Variants in ADGRG6 observed in about 807,000 individuals in gnomAD.
ADGRG6 encodes the protein adhesion G protein-coupled receptor G6.
A neutral mutation model predicts 142.4 loss-of-function variants in ADGRG6; 84 were observed. That is an observed-to-expected ratio of 0.59 (90% CI 0.49 to 0.71). ADGRG6 has a LOEUF of 0.71. Among genes scored for constraint, ADGRG6 ranks in the 30% least tolerant of loss-of-function variants. The probability of loss-of-function intolerance (pLI) is 0.00; values close to 1 mark genes in which losing one functional copy is unlikely to be tolerated. For synonymous variants in ADGRG6, 521 were observed against 520.5 expected, an observed-to-expected ratio of 1.00 and a Z score of -0.01; for missense variants, 1,367 against 1,466.6, an observed-to-expected ratio of 0.93 and a Z score of 1.11.
At chr6:142,357,394 T>C (rs1240312434) in intron 2 of ADGRG6, among the ~76,000 whole-genome samples, 1 of 152,144 alleles carries the variant, frequency 6.6e-6, no homozygotes, top group Non-Finnish European at 1.5e-5. Context: ...AAGCTGTTCA[T>C]GTAAAAATGG....
rs147916355 is a variant in ADGRG6, at chr6:142,339,879, C to G, written c.104-27690C>G. ...TTTTCTTTTATTCTACTGTTTTGCT[C>G]TTTAACATAATAGGATAAGTATTTT... On this transcript the variant is annotated intron_variant, in intron 2 of 24. Transcript: ENST00000367609. Among the ~76,000 whole-genome samples, 732 of 152,088 alleles carry G rather than the reference C, an allele frequency of 4.8e-3. 9 individuals are homozygous for G. Among genetic ancestry groups the G allele is most frequent in the African/African-American group, 0.017 (694 of 41,460 alleles).
At chr6:142,341,114 A>G (rs997098948) in intron 2 of ADGRG6, among the ~76,000 whole-genome samples, 6 of 151,604 alleles carry the variant, frequency 4.0e-5, no homozygotes, top group African/African-American at 9.7e-5. Context: ...GGAAAATTAC[A>G]TAGCCTAGAG....
chr6:142,346,243 C>T (rs9403382), intron 2 of ADGRG6, among the ~76,000 whole-genome samples: 61,505 of 151,920 alleles, frequency 0.4, 14,565 homozygotes, highest in African/African-American at 0.67. Flanking sequence ...CCATAATGGT[C>T]GAACTAATTT....
At chr6:142,318,061 A>G (rs1369884485) in intron 2 of ADGRG6, among the ~76,000 whole-genome samples, 1 of 54,004 alleles carries the variant, frequency 1.9e-5, no homozygotes, top group African/African-American at 8.6e-5. Flanking sequence ...ATATATTTAT[A>G]TTATATATAT....
intron 15 of ADGRG6, among the ~76,000 whole-genome samples, chr6:142,406,539 G>A (rs1775816994): frequency 6.6e-6 from 1 of 152,126 alleles, no homozygotes; most frequent in South Asian, 2.1e-4. Flanking sequence ...AAGTCTCAAG[G>A]TCAGAGAATT....
rs142405282 is a variant in ADGRG6 at position 142,334,691 on chromosome 6, C to T, written c.103+25047C>T. Reference sequence around the variant, plus strand: ...TCTAGCATGAGGTCAGAGTTTGAATCGGGTGAACCTGAAGGTCCCTTACCA... The same window carrying T: ...TCTAGCATGAGGTCAGAGTTTGAATTGGGTGAACCTGAAGGTCCCTTACCA... On this transcript the variant is annotated intron_variant, in intron 2 of 24. Coordinates refer to ENST00000367609, the MANE Select transcript of ADGRG6 (RefSeq NM_198569.3). 3.4e-3 allele frequency among the ~76,000 whole-genome samples: 520 copies of T among 152,246 alleles called. 6 individuals carry two copies. The highest frequency in any genetic ancestry group is 0.012 in the African/African-American group (505 of 41,538).
chr6:142,349,390 TG>T (rs1780054429), intron 2 of ADGRG6, among the ~76,000 whole-genome samples: 1 of 152,214 alleles, frequency 6.6e-6, no homozygotes, highest in Non-Finnish European at 1.5e-5. Flanking sequence ...CAGGCCCCCA[TG>T]TAGCTGGAAT....
At chr6:142,438,385 AAGTTT>A in intron 24 of ADGRG6, 21 bp downstream of exon 24, 2 of 1,549,100 alleles carry the variant, frequency 1.3e-6, no homozygotes, top group Admixed American at 3.9e-5. Flanking sequence ...AGATGTCCTC[AAGTTT>A]AGTTCTCATC....
intron 2 of ADGRG6, among the ~76,000 whole-genome samples, chr6:142,311,869 A>G (rs1036083733): frequency 4.0e-5 from 6 of 151,868 alleles, no homozygotes; most frequent in African/African-American, 1.4e-4. Flanking sequence ...CCTATCCTCA[A>G]ATCTACTTCT....
intron 14 of ADGRG6, chr6:142,405,198 G>A: frequency 2.7e-6 from 1 of 364,686 alleles, no homozygotes; most frequent in Non-Finnish European, 5.4e-6. Flanking sequence ...AAGACAATTT[G>A]CAGGAAAGCA....
intron 2 of ADGRG6, among the ~76,000 whole-genome samples, chr6:142,310,305 T>C (rs115864818): frequency 6.6e-6 from 1 of 151,848 alleles, no homozygotes; most frequent in Admixed American, 6.6e-5. Flanking sequence ...GAATGATATC[T>C]AAAAGTAAAC....
Position 142,444,514 on chromosome 6 carries a change from T to C in ADGRG6, c.*999T>C, listed in dbSNP as rs1777893709. 6.6e-6 allele frequency: 1 copy of C among 152,176 alleles called. No individual in the cohort carries two copies. Among genetic ancestry groups the C allele is most frequent in the Non-Finnish European group, 1.5e-5 (1 of 68,024 alleles). The allele number at this position is 152,176 out of a possible 1,614,324, so 9.4% of individuals were successfully genotyped here. A position where few individuals can be genotyped will look rare whatever the true frequency, so the allele number is the denominator to read the frequency against. The stretch of plus-strand genomic sequence containing the variant: ...CGTATTTCCCCATTGAGAGTTTTGT[T>C]CCAAGGAATATGAAGTGAGACATAT... On this transcript the variant is annotated 3_prime_UTR_variant, in exon 25 of 25. Transcript: ENST00000367609.
At chr6:142,411,795 G>T (rs1776101896) in intron 18 of ADGRG6, among the ~76,000 whole-genome samples, 1 of 152,030 alleles carries the variant, frequency 6.6e-6, no homozygotes, top group African/African-American at 2.4e-5. Flanking sequence ...ACATGGAAGG[G>T]AATTGTGAAT....
At chr6:142,383,229 T>C (rs887169403) in intron 5 of ADGRG6, among the ~76,000 whole-genome samples, 1 of 152,196 alleles carries the variant, frequency 6.6e-6, no homozygotes, top group Non-Finnish European at 1.5e-5. Context: ...TTGGAATCTT[T>C]AAATGATTAA....
At chr6:142,342,623 G>A (rs1387276616) in intron 2 of ADGRG6, among the ~76,000 whole-genome samples, 2 of 151,980 alleles carry the variant, frequency 1.3e-5, no homozygotes, top group African/African-American at 4.8e-5. Flanking sequence ...TGTAAGCCAC[G>A]AGGCTGACAG....
rs554157120 is a variant in ADGRG6, at chr6:142,332,278, G to A, written c.103+22634G>A. ...AGAGGCTGACTTACCACATAGTGAT[G>A]AGTAGGTAGAAAGTCCTAGCATATT... On this transcript the variant is annotated intron_variant, in intron 2 of 24. Coordinates refer to ENST00000367609, the MANE Select transcript of ADGRG6 (RefSeq NM_198569.3). 3.9e-5 allele frequency among the ~76,000 whole-genome samples: 6 copies of A among 152,286 alleles called. No individual in the cohort carries two copies. In the South Asian group the frequency reaches 6.2e-4, roughly 16 times the overall value.
chr6:142,411,008 T>C (rs1368838131), intron 17 of ADGRG6, among the ~76,000 whole-genome samples: 1 of 152,176 alleles, frequency 6.6e-6, no homozygotes, highest in Non-Finnish European at 1.5e-5. Context: ...GTCTTCTTTT[T>C]GTGGAAGTTC....
At position 142,419,869 on chromosome 6, in the gene ADGRG6, T is replaced by C. The variant is rs1253534755; in HGVS notation, c.3084T>C (p.Tyr1028=). ...PVIFYVTCAG[Y]FGVMFFLNIA... Reference sequence around the variant, plus strand: ...TATTTTATGTGACCTGTGCTGGGTATTTTGGAGTCATGTTTTTTCTGAACA... The same window carrying C: ...TATTTTATGTGACCTGTGCTGGGTACTTTGGAGTCATGTTTTTTCTGAACA... Residue 1028 remains tyrosine, a synonymous_variant, in exon 22 of 25, where the codon TAT becomes TAC. Transcript: ENST00000367609. The C allele has an allele frequency of 6.2e-7, 1 of 1,612,574 alleles. No individual in the cohort carries two copies. Among genetic ancestry groups the C allele is most frequent in the Non-Finnish European group, 8.5e-7 (1 of 1,178,800 alleles).
chr6:142,349,190 A>C (rs915294642), intron 2 of ADGRG6, among the ~76,000 whole-genome samples: 4 of 152,234 alleles, frequency 2.6e-5, no homozygotes, highest in Admixed American at 2.6e-4. Flanking sequence ...ATCAAACATA[A>C]GACAATGAAA....
Sources: gnomAD v4.1 joint callset for allele counts (sites outside exome capture counted in the v4.1 genomes callset) on GRCh38, gnomAD v4.1.1 for gene constraint, MANE v1.5 for transcripts, NCBI Gene and HGNC (gene_info 2026-07-23, HGNC 2026-07-21) for gene names.